PTPN23: variants seen among roughly 807,000 people sequenced by gnomAD.
The protein encoded by PTPN23 is protein tyrosine phosphatase non-receptor type 23.
In PTPN23, 72 loss-of-function variants were observed where a neutral mutation model predicts 156.3. That is an observed-to-expected ratio of 0.46 (90% CI 0.38 to 0.56). PTPN23 has a LOEUF of 0.56. PTPN23 is among the 20% of genes least tolerant of loss of function. PTPN23 has a pLI of 0.00. For missense variants in PTPN23, 1,974 were observed against 2,171.5 expected, an observed-to-expected ratio of 0.91 and a Z score of 1.81; for synonymous variants, 957 against 899.6, an observed-to-expected ratio of 1.06 and a Z score of -1.14.
chr3:47,401,143 C>T (rs541930171), intron 2 of PTPN23, among the ~76,000 whole-genome samples: 3 of 151,510 alleles, frequency 2.0e-5, no homozygotes, highest in Admixed American at 6.6e-5. Flanking sequence ...CCTCGTGATC[C>T]GCCTGCCTCG....
chr3:47,404,763 G>C lies in PTPN23; in HGVS notation c.271G>C (p.Ala91Pro), dbSNP rs760010594. ...CCCCATGGGCTCGGGCCAGGAGGCCGCTGTCCCTGTCACCTGGTGAGAGCC... is the reference window on the plus strand; with the variant it reads ...CCCCATGGGCTCGGGCCAGGAGGCCCCTGTCCCTGTCACCTGGTGAGAGCC... ...RVPMGSGQEA[A>P]VPVTWTEIFS... The change falls in exon 3 of 25, where the codon GCT becomes CCT. Residue 91 changes from alanine (A) to proline (P), a missense_variant. Around this residue, in one of 4 missense-constraint regions of PTPN23, gnomAD observed 726 missense variants for 929.5 expected, o/e 0.78. Transcript: ENST00000265562. 1.2e-6 allele frequency: 2 copies of C among 1,613,538 alleles called. No individual in the cohort carries two copies. Among genetic ancestry groups the C allele is most frequent in the Non-Finnish European group, 1.7e-6 (2 of 1,179,984 alleles).
rs747902459 is a variant in PTPN23, at chr3:47,409,243, C to G, written c.1723C>G (p.Gln575Glu). 1 of 1,614,064 alleles carries G rather than the reference C, an allele frequency of 6.2e-7. No homozygotes were observed. Among genetic ancestry groups the G allele is most frequent in the African/African-American group, 1.3e-5 (1 of 74,944 alleles). Residue 575 changes from glutamine (Q) to glutamate (E), a missense_variant, in exon 17 of 25, where the codon CAG (glutamine) becomes GAG (glutamate). Transcript: ENST00000265562. ...GCGGGACCAGCGCGTGTCCCTGGAGCAGCAGCTGCGTGAGCTTATCCAGAA... is the reference window on the plus strand; with the variant it reads ...GCGGGACCAGCGCGTGTCCCTGGAGGAGCAGCTGCGTGAGCTTATCCAGAA... The part of the protein sequence containing the change: ...EMRDQRVSLE[Q>E]QLRELIQKDD...
chr3:47,389,920 A>T (rs1704735202), intron 1 of PTPN23, among the ~76,000 whole-genome samples: 2 of 151,500 alleles, frequency 1.3e-5, no homozygotes, highest in Non-Finnish European at 2.9e-5. Flanking sequence ...TAAAAATACA[A>T]AAATTAGCTG....
rs1335000654 is a variant in PTPN23 at position 47,411,361 on chromosome 3, T to C, written c.3563T>C (p.Val1188Ala). ...LEAFRGQLGD[V>A]GALDTVWREL... ...GCCTTTCGGGGTCAGCTGGGGGATG[T>C]GGGAGCTCTGGACACTGTCTGGCGA... Residue 1188 changes from valine (V) to alanine (A), a missense_variant, in exon 20 of 25, where the codon GTG becomes GCG. Val to Ala is a moderately conservative substitution (Grantham distance 64). Transcript: ENST00000265562. The surrounding 1 kb of genome is among the most constrained non-coding windows in gnomAD (Gnocchi z 6.3). The C allele has an allele frequency of 2.5e-6, 4 of 1,612,812 alleles. No homozygotes were observed. Among genetic ancestry groups the C allele is most frequent in the Non-Finnish European group, 3.4e-6 (4 of 1,180,014 alleles).
In PTPN23 at chr3:47,407,439, G is replaced by A. The variant is rs1576226471; in HGVS notation, c.924-66G>A. 1 of 1,608,586 alleles carries A rather than the reference G, an allele frequency of 6.2e-7. No individual in the cohort carries two copies. Among genetic ancestry groups the A allele is most frequent in the South Asian group, 1.1e-5 (1 of 90,892 alleles). On this transcript the variant is annotated intron_variant, in intron 11 of 24. Coordinates refer to ENST00000265562, the MANE Select transcript of PTPN23 (RefSeq NM_015466.4). This position sits in a 1 kb window ranked among gnomAD's most constrained non-coding sequence, Gnocchi z 4.0. Reference sequence around the variant, plus strand: ...TTGTCCCTCTGCTGGCATCTACATGGGAAGTAGGTTCTGGATCCCCACTGA... The same window carrying A: ...TTGTCCCTCTGCTGGCATCTACATGAGAAGTAGGTTCTGGATCCCCACTGA...
At chr3:47,402,152 G>GT (rs779280372) in intron 2 of PTPN23, among the ~76,000 whole-genome samples, 2 of 151,838 alleles carry the variant, frequency 1.3e-5, no homozygotes, top group African/African-American at 2.4e-5. Context: ...TTTTTTTGTT[G>GT]TTTTCCCCCC....
At chr3:47,389,350 C>T (rs1226670625) in intron 1 of PTPN23, among the ~76,000 whole-genome samples, 4 of 152,132 alleles carry the variant, frequency 2.6e-5, no homozygotes. Context: ...GTGACTCATG[C>T]CTGTAATCCC....
chr3:47,412,805 G>T lies in PTPN23; in HGVS notation c.4531G>T (p.Gly1511Trp), dbSNP rs765699987. 4.3e-6 allele frequency: 7 copies of T among 1,613,374 alleles called. No homozygotes were observed. Among genetic ancestry groups the T allele is most frequent in the Admixed American group, 1.7e-5 (1 of 60,000 alleles). ...TGCCAAGCTCAGCATTCGGCCTCCT[G>T]GGGGGTTGGAGTCCCCGGTTGCCAG... ...TIAKLSIRPP[G>W]GLESPVASLP... The change falls in exon 25 of 25, where the codon GGG becomes TGG. Residue 1511 changes from glycine (G) to tryptophan (W), a missense_variant. By Grantham distance (184) the Gly-to-Trp change is radical. This residue lies in a region of PTPN23 where 484 missense variants were observed against 516.0 expected (regional missense o/e 0.94). Coordinates refer to ENST00000265562, the MANE Select transcript of PTPN23 (RefSeq NM_015466.4).
rs763078224 is a variant in PTPN23, at chr3:47,411,989, G to A, written c.4073+22G>A. The A allele has an allele frequency of 2.5e-6, 4 of 1,606,888 alleles. No homozygotes were observed. Among genetic ancestry groups the A allele is most frequent in the South Asian group, 1.1e-5 (1 of 90,172 alleles). On this transcript the variant is annotated intron_variant, in intron 21 of 24. Coordinates refer to ENST00000265562, the MANE Select transcript of PTPN23 (RefSeq NM_015466.4). This position sits in a 1 kb window ranked among gnomAD's most constrained non-coding sequence, Gnocchi z 6.3. ...AGTTGTGAGTCCACTGCTCTGGATG[G>A]TGGTTGGGGGTCTAAGTGCTGTCCA... is the stretch of plus-strand genomic sequence containing the variant.
intron 2 of PTPN23, among the ~76,000 whole-genome samples, chr3:47,403,086 T>C (rs1399111550): frequency 6.6e-6 from 1 of 151,850 alleles, no homozygotes; most frequent in Admixed American, 6.6e-5. Flanking sequence ...GGAGTCTCGC[T>C]GTCGCCCAGG....
Position 47,412,346 on chromosome 3 carries a change from TG to T in PTPN23, c.4245del (p.Asn1416ThrfsTer35). The part of the protein sequence containing the change: ...LYAAVQEVEA[G>X]NGIPELPQLV... ...ATGCAGCTGTGCAGGAGGTGGAGGCTGGGAACGGAATCCCTGAGCTGCCTCA... is the reference window on the plus strand; with the variant it reads ...ATGCAGCTGTGCAGGAGGTGGAGGCTGGAACGGAATCCCTGAGCTGCCTCA... On this transcript the variant is annotated frameshift_variant, in exon 23 of 25. Coordinates refer to ENST00000265562, the MANE Select transcript of PTPN23 (RefSeq NM_015466.4). LOFTEE classifies it high-confidence loss of function. The T allele has an allele frequency of 6.2e-7, 1 of 1,613,306 alleles. No homozygotes were observed. The highest frequency in any genetic ancestry group is 8.5e-7 in the Non-Finnish European group (1 of 1,180,018).
chr3:47,381,102 G>A lies in PTPN23; in HGVS notation c.6G>A (p.Glu2=), dbSNP rs1441473725. The A allele has an allele frequency of 6.3e-7, 1 of 1,576,604 alleles. No homozygotes were observed. The highest frequency in any genetic ancestry group is 1.2e-5 in the South Asian group (1 of 86,064). The change falls in exon 1 of 25, where the codon GAG becomes GAA. Residue 2 remains glutamate (E), a synonymous_variant. Coordinates refer to ENST00000265562, the MANE Select transcript of PTPN23 (RefSeq NM_015466.4). ...GCCGGCGGGTGCCAGCCGCCATGGA[G>A]GCCGTGCCCCGCATGCCCATGATCT... M[E]AVPRMPMIWL...
At chr3:47,387,693 CAT>C (rs1337320502) in intron 1 of PTPN23, among the ~76,000 whole-genome samples, 7 of 152,086 alleles carry the variant, frequency 4.6e-5, no homozygotes, top group East Asian at 3.8e-4. Flanking sequence ...AAAACTAACA[CAT>C]GTGATGCCTT....
At chr3:47,403,298 C>T (rs1247048268) in intron 2 of PTPN23, among the ~76,000 whole-genome samples, 6 of 152,148 alleles carry the variant, frequency 3.9e-5, no homozygotes, top group South Asian at 2.1e-4. Flanking sequence ...GTGATCCTCC[C>T]GCCTCGGCCT....
chr3:47,397,909 A>G (rs1462981498), intron 2 of PTPN23, among the ~76,000 whole-genome samples: 3 of 152,004 alleles, frequency 2.0e-5, no homozygotes, highest in African/African-American at 7.2e-5. Flanking sequence ...GACCTCAGGT[A>G]ATCCACCTGT....
intron 2 of PTPN23, among the ~76,000 whole-genome samples, chr3:47,403,089 C>T (rs563904968): frequency 1.9e-4 from 29 of 149,252 alleles, no homozygotes; most frequent in South Asian, 6.3e-4. Context: ...GTCTCGCTGT[C>T]GCCCAGGCTG....
intron 1 of PTPN23, 77 bp downstream of exon 1, chr3:47,381,257 G>T (rs1476783969): frequency 9.8e-6 from 15 of 1,530,946 alleles, no homozygotes; most frequent in Admixed American, 2.0e-5. Flanking sequence ...CCCCCTGCGC[G>T]CCCATCACCT....
Position 47,412,382 on chromosome 3 carries a change from G to C in PTPN23, c.4278G>C (p.Arg1426=). 6.2e-7 allele frequency: 1 copy of C among 1,613,174 alleles called. No homozygotes were observed. The highest frequency in any genetic ancestry group is 8.5e-7 in the Non-Finnish European group (1 of 1,180,020). ...TCCCTGAGCTGCCTCAGCTGGTGCG[G>C]CGCATGCGGCAGCAGAGAAAGCACA... ...NGIPELPQLV[R]RMRQQRKHML... is the part of the protein sequence containing the mutation. The change falls in exon 23 of 25, where the codon CGG becomes CGC. Residue 1426 remains arginine, a synonymous_variant. Coordinates refer to ENST00000265562, the MANE Select transcript of PTPN23 (RefSeq NM_015466.4).
At position 47,407,616 on chromosome 3, in the gene PTPN23, A is replaced by G; in HGVS notation, c.1003+32A>G. On this transcript the variant is annotated intron_variant, in intron 12 of 24. Transcript: ENST00000265562. This position sits in a 1 kb window ranked among gnomAD's most constrained non-coding sequence, Gnocchi z 4.0. Reference sequence around the variant, plus strand: ...GAGCTGAGAGGTGGGGGCAGAGGTGACGGTGGGGTGGGGACAGGACACAGG... The same window carrying G: ...GAGCTGAGAGGTGGGGGCAGAGGTGGCGGTGGGGTGGGGACAGGACACAGG... 3.7e-6 allele frequency: 6 copies of G among 1,606,976 alleles called. No individual in the cohort carries two copies. Among genetic ancestry groups the G allele is most frequent in the Non-Finnish European group, 5.1e-6 (6 of 1,173,630 alleles).
Sources: allele counts gnomAD v4.1 joint callset (sites outside exome capture counted in the v4.1 genomes callset), GRCh38; gene constraint gnomAD v4.1.1; regional missense constraint gnomAD v4.1.1; non-coding constraint Gnocchi (gnomAD v3.1); transcripts MANE v1.5; gene names NCBI Gene and HGNC (gene_info 2026-07-23, HGNC 2026-07-21).